VTI1B: variants seen among roughly 807,000 people sequenced by gnomAD.
The protein encoded by VTI1B is vesicle transport through interaction with t-SNAREs 1B, also known as vesicle transport through interaction with t-SNAREs homolog 1B.
VTI1B carries 18 observed loss-of-function variants against 28.6 expected under a neutral mutation model. That is an observed-to-expected ratio of 0.63 (90% confidence interval 0.43 to 0.93). VTI1B has a LOEUF of 0.93. VTI1B is among the 40% of genes least tolerant of loss of function. The probability of loss-of-function intolerance (pLI) is 0.00; values close to 1 mark genes in which losing one functional copy is unlikely to be tolerated. For missense variants in VTI1B, 283 were observed against 297.0 expected (o/e 0.95, Z 0.35); for synonymous variants, 100 against 107.9 (o/e 0.93, Z 0.46).
At chr14:67,653,052 G>C (rs977360824) in intron 5 of VTI1B, among the ~76,000 whole-genome samples, 1 of 152,144 alleles carries the variant, frequency 6.6e-6, no homozygotes, top group African/African-American at 2.4e-5. Context: ...GCCTCCCAAG[G>C]TGCTGGGATT....
chr14:67,655,028 C>CAAAAA (rs34482334), intron 4 of VTI1B, among the ~76,000 whole-genome samples: 10 of 43,464 alleles, frequency 2.3e-4, no homozygotes, highest in South Asian at 1.0e-3. Context: ...GACTCCATCT[C>CAAAAA]AAAAAAAAAA....
At position 67,653,579 on chromosome 14, in the gene VTI1B, C is replaced by T. The variant is rs2037216034; in HGVS notation, c.541-81G>A. The stretch of plus-strand genomic sequence containing the variant: ...TGAATATCCCTAGATTAACAGTAGG[C>T]ATTAAGGGATATATGTTGAAAAATT... On this transcript the variant is annotated intron_variant, in intron 4 of 5. Transcript: ENST00000554659. 4.8e-6 allele frequency: 6 copies of T among 1,245,492 alleles called. No homozygotes were observed. The Admixed American group carries it at 1.2e-4, about 25-fold the overall frequency. 77.2% of individuals were successfully genotyped at this position (1,245,492 alleles called of 1,614,324 possible).
Position 67,650,566 on chromosome 14 carries a change from G to C in VTI1B, c.*819C>G. The C allele has an allele frequency of 1.5e-6, 1 of 665,016 alleles. No homozygotes were observed. The highest frequency in any genetic ancestry group is 2.7e-5 in the East Asian group (1 of 36,824). The allele number at this position is 665,016 out of a possible 1,614,324, so 41.2% of individuals were successfully genotyped here. A position where few individuals can be genotyped will look rare whatever the true frequency, so the allele number is the denominator to read the frequency against. ...TTAAATTCATGGCCAAGAGGATGAGGTGCAAGGGGCTTCCTAAAAATAGGT... is the reference window on the plus strand; with the variant it reads ...TTAAATTCATGGCCAAGAGGATGAGCTGCAAGGGGCTTCCTAAAAATAGGT... On this transcript the variant is annotated 3_prime_UTR_variant, in exon 6 of 6. Transcript: ENST00000554659.
intron 3 of VTI1B, 135 bp downstream of exon 3, chr14:67,659,596 A>G (rs2037309825): frequency 1.1e-6 from 1 of 886,806 alleles, no homozygotes; most frequent in African/African-American, 1.7e-5. Context: ...GATGCAGAAA[A>G]GAGGATAAGG....
At chr14:67,662,033 G>A (rs1475554412) in intron 2 of VTI1B, among the ~76,000 whole-genome samples, 2 of 152,086 alleles carry the variant, frequency 1.3e-5, no homozygotes, top group African/African-American at 2.4e-5. Context: ...GCGCCCACCT[G>A]TATTCCCAGC....
At chr14:67,667,938 C>G (rs1466275927) in intron 1 of VTI1B, among the ~76,000 whole-genome samples, 1 of 151,996 alleles carries the variant, frequency 6.6e-6, no homozygotes, top group African/African-American at 2.4e-5. Flanking sequence ...AGCAACACTC[C>G]ATCTCAAAAA....
At chr14:67,660,791 G>A (rs2037324650) in intron 2 of VTI1B, among the ~76,000 whole-genome samples, 1 of 152,158 alleles carries the variant, frequency 6.6e-6, no homozygotes, top group Non-Finnish European at 1.5e-5. Flanking sequence ...TGCTGAGTTT[G>A]GAGAAAACAA....
rs560257193 is a variant in VTI1B, at chr14:67,647,092, AG to A, written c.*4292del. On this transcript the variant is annotated 3_prime_UTR_variant, in exon 6 of 6. Coordinates refer to ENST00000554659, the MANE Select transcript of VTI1B (RefSeq NM_006370.3). ...CAACACACTTTTAGCCTGTTTCTTG[AG>A]GACAGCAGCTTTACTTTTAAAATAC... 37 of 1,016,800 alleles carry A rather than the reference AG, an allele frequency of 3.6e-5. No homozygotes were observed. The African/African-American group carries it at 5.9e-4, about 16-fold the overall frequency. The allele number at this position is 1,016,800 out of a possible 1,614,324, so 63.0% of individuals were successfully genotyped here.
At chr14:67,662,173 C>CAAA (rs1397307839) in intron 2 of VTI1B, among the ~76,000 whole-genome samples, 8 of 140,052 alleles carry the variant, frequency 5.7e-5, no homozygotes, top group African/African-American at 2.2e-4. Context: ...ACAACAACAA[C>CAAA]AACAACAAAA....
At chr14:67,655,163 G>C (rs891545585) in intron 4 of VTI1B, among the ~76,000 whole-genome samples, 1 of 151,214 alleles carries the variant, frequency 6.6e-6, no homozygotes, top group East Asian at 1.9e-4. Context: ...AACATAATGA[G>C]ACCCCGTTTT....
chr14:67,661,300 G>GT (rs1185912937), intron 2 of VTI1B, among the ~76,000 whole-genome samples: 8,827 of 86,640 alleles, frequency 0.1, 486 homozygotes, highest in East Asian at 0.29. Context: ...AAAAAAAAAA[G>GT]TTTTTTTTTT....
At position 67,648,281 on chromosome 14, in the gene VTI1B, C is replaced by T; in HGVS notation, c.*3104G>A. ...TCTTTTCTGCTATTCCACATCATTG[C>T]AGAGTTTGTTTTTGCTTAAACTTTT... is the stretch of plus-strand genomic sequence containing the variant. On this transcript the variant is annotated 3_prime_UTR_variant, in exon 6 of 6. Transcript: ENST00000554659. 7.1e-7 allele frequency: 1 copy of T among 1,400,048 alleles called. No homozygotes were observed. The highest frequency in any genetic ancestry group is 9.6e-7 in the Non-Finnish European group (1 of 1,041,038). The allele number at this position is 1,400,048 out of a possible 1,614,324, so 86.7% of individuals were successfully genotyped here. A position where few individuals can be genotyped will look rare whatever the true frequency, so the allele number is the denominator to read the frequency against.
At position 67,674,477 on chromosome 14, in the gene VTI1B, C is replaced by CGGA. The variant is rs773659143; in HGVS notation, c.10_12dup (p.Ser4dup). On this transcript the variant is annotated inframe_insertion, in exon 1 of 6. Coordinates refer to ENST00000554659, the MANE Select transcript of VTI1B (RefSeq NM_006370.3). ...TTCTCGAAATGCTCCGAGGAGGCGG[C>CGGA]GGAGGAGGCCATGGCGCAGGCCGCG... 1.2e-6 allele frequency: 2 copies of CGGA among 1,605,162 alleles called. No homozygotes were observed. Among genetic ancestry groups the CGGA allele is most frequent in the South Asian group, 1.1e-5 (1 of 89,946 alleles).
chr14:67,668,410 T>C (rs182273235), intron 1 of VTI1B, among the ~76,000 whole-genome samples: 227 of 152,336 alleles, frequency 1.5e-3, no homozygotes, highest in Non-Finnish European at 2.5e-3. Flanking sequence ...ACAGGACACA[T>C]TGTCTCTAGT....
At chr14:67,653,633 G>C in intron 4 of VTI1B, 135 bp from the exon 5 acceptor site, 1 of 699,842 alleles carries the variant, frequency 1.4e-6, no homozygotes. Context: ...TTAAATGATG[G>C]CCTTTGAGTG....
At chr14:67,655,869 C>T (rs77329512) in intron 4 of VTI1B, among the ~76,000 whole-genome samples, 1,938 of 152,190 alleles carry the variant, frequency 0.013, 54 homozygotes, top group African/African-American at 0.044. Context: ...TTTCCCCTCA[C>T]TGAAGCAAAA....
rs747068143 is a variant in VTI1B, at chr14:67,650,701, C to CT, written c.*683dup. ...CAAGGGAACCTGAGGTTTTGTCACACTTTGTTCTTCCAGGGTTGCTATCAG... is the reference window on the plus strand; with the variant it reads ...CAAGGGAACCTGAGGTTTTGTCACACTTTTGTTCTTCCAGGGTTGCTATCAG... On this transcript the variant is annotated 3_prime_UTR_variant, in exon 6 of 6. Coordinates refer to ENST00000554659, the MANE Select transcript of VTI1B (RefSeq NM_006370.3). The CT allele has an allele frequency of 9.3e-6, 15 of 1,612,900 alleles. No homozygotes were observed. The highest frequency in any genetic ancestry group is 3.3e-5 in the Admixed American group (2 of 60,012).
At chr14:67,667,522 T>C (rs1217968897) in intron 1 of VTI1B, among the ~76,000 whole-genome samples, 1 of 152,096 alleles carries the variant, frequency 6.6e-6, no homozygotes, top group Non-Finnish European at 1.5e-5. Flanking sequence ...TTAAAAGAAA[T>C]AATACACATA....
intron 1 of VTI1B, among the ~76,000 whole-genome samples, chr14:67,664,977 A>G (rs2037382573): frequency 6.6e-6 from 1 of 151,890 alleles, no homozygotes; most frequent in Admixed American, 6.6e-5. Context: ...AGTGATTCTC[A>G]TGCCTCAGCC....
Sources: gnomAD v4.1 joint callset for allele counts (sites outside exome capture counted in the v4.1 genomes callset) on GRCh38, gnomAD v4.1.1 for gene constraint, MANE v1.5 for transcripts, NCBI Gene and HGNC (gene_info 2026-07-23, HGNC 2026-07-21) for gene names.